The following ANKS1B variants were observed in gnomAD, a reference collection of about 807,000 sequenced individuals.
ANKS1B encodes the protein ankyrin repeat and sterile alpha motif domain-containing protein 1B.
ANKS1B carries 36 observed loss-of-function variants against 148.3 expected under a neutral mutation model. The observed-to-expected ratio is 0.24, with a 90% CI of 0.19 to 0.32. ANKS1B has a LOEUF of 0.32. Ranked by LOEUF, ANKS1B falls within the 10% of genes least tolerant of loss-of-function variation. ANKS1B has a pLI of 1.00. For synonymous variants in ANKS1B, 542 were observed against 560.8 expected, an observed-to-expected ratio of 0.97 and a Z score of 0.47; for missense variants, 1,157 against 1,542.6, an observed-to-expected ratio of 0.75 and a Z score of 4.19.
At chr12:99,170,946 G>A (rs1234323219) in intron 14 of ANKS1B, among the ~76,000 whole-genome samples, 1 of 152,144 alleles carries the variant, frequency 6.6e-6, no homozygotes, top group Non-Finnish European at 1.5e-5. Flanking sequence ...TTAAATAAAG[G>A]TTGGTTATTT....
intron 15 of ANKS1B, among the ~76,000 whole-genome samples, chr12:99,141,758 A>C (rs139087579): frequency 1.4e-4 from 22 of 152,158 alleles, no homozygotes; most frequent in African/African-American, 5.3e-4. Context: ...AGAACATGTT[A>C]TCATACCTTT....
At chr12:99,434,988 T>A (rs530343081) in intron 11 of ANKS1B, among the ~76,000 whole-genome samples, 1 of 152,180 alleles carries the variant, frequency 6.6e-6, no homozygotes, top group South Asian at 2.1e-4. Flanking sequence ...ATGAAAAAAT[T>A]TTTTTACTTG....
chr12:99,544,752 C>A (rs2097157392), intron 9 of ANKS1B, among the ~76,000 whole-genome samples: 1 of 152,122 alleles, frequency 6.6e-6, no homozygotes, highest in South Asian at 2.1e-4. Context: ...TTTTTAAATG[C>A]ATATAGGTCT....
rs1289392588 is a variant in ANKS1B at position 98,745,385 on chromosome 12, T to C, written c.*354A>G. ...TAGAGATCCCCTTTACTTTTTTTTT[T>C]TTTTTTTTTTTTTTAAAGAAAAGGT... On this transcript the variant is annotated 3_prime_UTR_variant, in exon 27 of 27. Transcript: ENST00000683438. 1.9e-5 allele frequency: 19 copies of C among 986,444 alleles called. No homozygotes were observed. The highest frequency in any genetic ancestry group is 2.0e-5 in the Non-Finnish European group (17 of 830,656). 61.1% of individuals were successfully genotyped at this position (986,444 alleles called of 1,614,324 possible).
intron 1 of ANKS1B, among the ~76,000 whole-genome samples, chr12:99,886,418 C>G (rs1256517382): frequency 6.6e-6 from 1 of 152,184 alleles, no homozygotes; most frequent in Non-Finnish European, 1.5e-5. Context: ...TGCAAAAACA[C>G]AATGGCATTT....
At chr12:99,369,831 T>A (rs548768302) in intron 12 of ANKS1B, among the ~76,000 whole-genome samples, 1 of 146,642 alleles carries the variant, frequency 6.8e-6, no homozygotes, top group African/African-American at 2.5e-5. Context: ...GACGGACGGA[T>A]AGACAGACAG....
intron 14 of ANKS1B, among the ~76,000 whole-genome samples, chr12:99,171,435 T>C (rs2077742653): frequency 6.6e-6 from 1 of 152,194 alleles, no homozygotes; most frequent in Non-Finnish European, 1.5e-5. Context: ...GGGAATGCTA[T>C]AGGTCAACAA....
intron 8 of ANKS1B, among the ~76,000 whole-genome samples, chr12:99,722,643 T>C (rs1191187501): frequency 6.6e-6 from 1 of 152,202 alleles, no homozygotes; most frequent in Non-Finnish European, 1.5e-5. Flanking sequence ...TTTTCATGGT[T>C]GGTAACACAA....
intron 1 of ANKS1B, among the ~76,000 whole-genome samples, chr12:99,955,702 TA>T (rs1338274857): frequency 6.6e-6 from 1 of 151,976 alleles, no homozygotes; most frequent in Non-Finnish European, 1.5e-5. Flanking sequence ...ACAAAGAACA[TA>T]CATTTAAACC....
intron 9 of ANKS1B, among the ~76,000 whole-genome samples, chr12:99,615,821 G>T (rs544218826): frequency 6.6e-6 from 1 of 151,990 alleles, no homozygotes; most frequent in East Asian, 1.9e-4. Context: ...AGAAATAAAG[G>T]GTATTCAAAT....
chr12:99,461,386 C>T (rs956820357), intron 10 of ANKS1B, among the ~76,000 whole-genome samples: 1 of 151,830 alleles, frequency 6.6e-6, no homozygotes, highest in African/African-American at 2.4e-5. Flanking sequence ...AGAACTTATT[C>T]ATGTAACCAA....
intron 17 of ANKS1B, among the ~76,000 whole-genome samples, chr12:99,034,329 T>A (rs115749441): frequency 0.013 from 1,948 of 152,274 alleles, 33 homozygotes; most frequent in African/African-American, 0.042. Flanking sequence ...ATTTTATTTT[T>A]TTTTTTGACA....
chr12:98,988,963 G>C (rs981888812), intron 17 of ANKS1B, among the ~76,000 whole-genome samples: 1 of 151,840 alleles, frequency 6.6e-6, no homozygotes, highest in Non-Finnish European at 1.5e-5. Context: ...CTGTGTTTTT[G>C]TTTTGCTATT....
At chr12:99,027,071 T>G (rs918924841) in intron 17 of ANKS1B, among the ~76,000 whole-genome samples, 1 of 152,164 alleles carries the variant, frequency 6.6e-6, no homozygotes, top group East Asian at 1.9e-4. Context: ...GCTTCTCAAA[T>G]AATAGAGATC....
At chr12:99,472,488 C>T (rs986108990) in intron 10 of ANKS1B, among the ~76,000 whole-genome samples, 3 of 152,092 alleles carry the variant, frequency 2.0e-5, no homozygotes, top group African/African-American at 7.2e-5. Flanking sequence ...ACTATATCAA[C>T]TAAATTAGAT....
intron 12 of ANKS1B, among the ~76,000 whole-genome samples, chr12:99,334,988 A>G (rs2088480260): frequency 6.6e-6 from 1 of 152,082 alleles, no homozygotes; most frequent in Admixed American, 6.6e-5. Context: ...CTCTTACTAC[A>G]AAAGGTTTCA....
chr12:99,850,281 G>GTCTCCCTCTCTCTC (rs2087502329), intron 1 of ANKS1B, among the ~76,000 whole-genome samples: 1 of 114,206 alleles, frequency 8.8e-6, no homozygotes, highest in African/African-American at 3.6e-5. Context: ...AAGCAAGAAA[G>GTCTCCCTCTCTCTC]TCTCTCTCTC....
intron 15 of ANKS1B, among the ~76,000 whole-genome samples, chr12:99,133,997 A>T (rs1175921289): frequency 6.6e-6 from 1 of 152,186 alleles, no homozygotes; most frequent in African/African-American, 2.4e-5. Flanking sequence ...ATACCTCGTA[A>T]GTTTCAGGGC....
intron 1 of ANKS1B, among the ~76,000 whole-genome samples, chr12:99,921,538 T>A (rs995753980): frequency 7.9e-5 from 12 of 152,308 alleles, no homozygotes; most frequent in Non-Finnish European, 1.3e-4. Context: ...AGTTTCCCAA[T>A]CTTTACAGAA....
Sources: gnomAD v4.1 joint callset for allele counts (sites outside exome capture counted in the v4.1 genomes callset) on GRCh38, gnomAD v4.1.1 for gene constraint, MANE v1.5 for transcripts, NCBI Gene and HGNC (gene_info 2026-07-23, HGNC 2026-07-21) for gene names.